The following KANK1 variants were observed in gnomAD, a reference collection of about 807,000 sequenced individuals.
The protein encoded by KANK1 is KN motif and ankyrin repeat domain-containing protein 1.
A neutral mutation model predicts 106.2 loss-of-function variants in KANK1; 109 were observed. The observed-to-expected ratio is 1.03, with a 90% CI of 0.88 to 1.20. The LOEUF is 1.20. Ranked by LOEUF, KANK1 falls within the 50% of genes most tolerant of loss-of-function variation. The pLI is 0.00. For missense variants in KANK1, 2,399 were observed against 1,710.7 expected, an observed-to-expected ratio of 1.40 and a Z score of -7.10; for synonymous variants, 873 against 652.2, an observed-to-expected ratio of 1.34 and a Z score of -5.16.
At chr9:608,890 C>A (rs573577199) in intron 1 of KANK1, among the ~76,000 whole-genome samples, 1 of 152,254 alleles carries the variant, frequency 6.6e-6, no homozygotes, top group Non-Finnish European at 1.5e-5. Flanking sequence ...ATAATAGATG[C>A]ATTCATACAC....
At chr9:537,909 C>G (rs1268198075) in intron 1 of KANK1, among the ~76,000 whole-genome samples, 1 of 152,166 alleles carries the variant, frequency 6.6e-6, no homozygotes, top group Admixed American at 6.5e-5. Flanking sequence ...TAACACTATT[C>G]CTGGATTTAA....
rs116473468 is a variant in KANK1 at position 698,233 on chromosome 9, C to A, written c.38-12571C>A. Among the ~76,000 whole-genome samples, 1,123 of 152,226 alleles carry A rather than the reference C, an allele frequency of 7.4e-3. 18 individuals are homozygous for A. The highest frequency in any genetic ancestry group is 0.026 in the African/African-American group (1,074 of 41,516). On this transcript the variant is annotated intron_variant, in intron 2 of 11. Coordinates refer to ENST00000382297, the MANE Select transcript of KANK1 (RefSeq NM_015158.5). Reference sequence around the variant, plus strand: ...CTGTCAGGGTCGGTGTTGTCTTAGCCTCACAGGCATTTTCAGTCCTTGCTC... The same window carrying A: ...CTGTCAGGGTCGGTGTTGTCTTAGCATCACAGGCATTTTCAGTCCTTGCTC...
At chr9:563,742 A>G (rs1587846864) in intron 1 of KANK1, among the ~76,000 whole-genome samples, 1 of 152,182 alleles carries the variant, frequency 6.6e-6, no homozygotes, top group South Asian at 2.1e-4. Context: ...GAATCTCAAA[A>G]TTGCTCTATG....
intron 1 of KANK1, among the ~76,000 whole-genome samples, chr9:566,562 G>A (rs529000928): frequency 4.6e-5 from 7 of 152,314 alleles, no homozygotes; most frequent in South Asian, 2.1e-4. Context: ...TGACAGGTGC[G>A]AGATGGTATC....
intron 2 of KANK1, among the ~76,000 whole-genome samples, chr9:700,759 C>G (rs1822460669): frequency 6.6e-6 from 1 of 152,180 alleles, no homozygotes; most frequent in Non-Finnish European, 1.5e-5. Flanking sequence ...GGTGTGGTAT[C>G]TGGCGAAGAA....
chr9:668,700 A>G (rs1054197460), intron 1 of KANK1, among the ~76,000 whole-genome samples: 2 of 152,122 alleles, frequency 1.3e-5, no homozygotes, highest in Non-Finnish European at 2.9e-5. Context: ...AAAACAAGTT[A>G]TTTTAAAGAG....
At chr9:475,813 C>T (rs1334710615) in intron 3 of KANK1, among the ~76,000 whole-genome samples, 1 of 152,148 alleles carries the variant, frequency 6.6e-6, no homozygotes, top group Non-Finnish European at 1.5e-5. Flanking sequence ...GCGCTCCCAT[C>T]TGAAGAGATT....
intron 1 of KANK1, among the ~76,000 whole-genome samples, chr9:595,211 C>A (rs1825912247): frequency 6.6e-6 from 1 of 151,828 alleles, no homozygotes; most frequent in African/African-American, 2.4e-5. Context: ...CCCAGGAGTT[C>A]AAGACCAGTT....
At chr9:565,550 G>C (rs1422499264) in intron 1 of KANK1, among the ~76,000 whole-genome samples, 1 of 152,188 alleles carries the variant, frequency 6.6e-6, no homozygotes, top group Non-Finnish European at 1.5e-5. Flanking sequence ...GGTTTTTCAA[G>C]GATAGTTCGG....
chr9:617,086 T>TA (rs1832022350), intron 1 of KANK1, among the ~76,000 whole-genome samples: 1 of 152,150 alleles, frequency 6.6e-6, no homozygotes, highest in Non-Finnish European at 1.5e-5. Context: ...TATACTACCG[T>TA]AAGTGAATGT....
chr9:722,307 T>C (rs564125052), intron 3 of KANK1, among the ~76,000 whole-genome samples: 193 of 151,978 alleles, frequency 1.3e-3, no homozygotes, highest in African/African-American at 4.5e-3. Flanking sequence ...TGCAAATAAG[T>C]GTTCATTCTC....
At chr9:535,405 CT>C (rs2060251034) in intron 1 of KANK1, among the ~76,000 whole-genome samples, 1 of 152,196 alleles carries the variant, frequency 6.6e-6, no homozygotes, top group Non-Finnish European at 1.5e-5. Flanking sequence ...GCCCACACTT[CT>C]TTCTCTCCAG....
chr9:692,755 C>T (rs190957861), intron 2 of KANK1, among the ~76,000 whole-genome samples: 1 of 151,806 alleles, frequency 6.6e-6, no homozygotes, highest in African/African-American at 2.4e-5. Flanking sequence ...TGGTTCATGC[C>T]TGTAATCCCA....
At chr9:571,109 G>T (rs1188093337) in intron 1 of KANK1, among the ~76,000 whole-genome samples, 1 of 152,160 alleles carries the variant, frequency 6.6e-6, no homozygotes, top group Non-Finnish European at 1.5e-5. Context: ...ATGAGAGAGT[G>T]CCCATCTCCT....
At chr9:498,255 A>G (rs1587267423) in intron 3 of KANK1, among the ~76,000 whole-genome samples, 1 of 152,226 alleles carries the variant, frequency 6.6e-6, no homozygotes, top group Non-Finnish European at 1.5e-5. Context: ...AACTAATTGC[A>G]CCACACGAAG....
intron 1 of KANK1, among the ~76,000 whole-genome samples, chr9:657,263 C>T (rs1171164092): frequency 1.3e-5 from 2 of 152,162 alleles, no homozygotes; most frequent in Non-Finnish European, 2.9e-5. Context: ...TTTCCTTAGG[C>T]ATTCATCTGT....
At chr9:503,619 G>C (rs2058608439), upstream of KANK1, among the ~76,000 whole-genome samples, 2 of 152,228 alleles carry the variant, frequency 1.3e-5, no homozygotes, top group Non-Finnish European at 2.9e-5. Flanking sequence ...GTGCTAGAGA[G>C]CTTGGGGGTG....
intron 1 of KANK1, among the ~76,000 whole-genome samples, chr9:526,355 G>A (rs570307361): frequency 2.6e-5 from 4 of 151,710 alleles, no homozygotes; most frequent in Middle Eastern, 6.8e-3. Flanking sequence ...TTTATTATGG[G>A]AGCAGCACAC....
intron 1 of KANK1, among the ~76,000 whole-genome samples, chr9:663,354 C>T (rs1179334814): frequency 1.3e-5 from 2 of 152,200 alleles, no homozygotes; most frequent in Admixed American, 6.5e-5. Context: ...CCCACTAACA[C>T]AGTCATATTT....
Sources: gnomAD v4.1 joint callset for allele counts (sites outside exome capture counted in the v4.1 genomes callset) on GRCh38, gnomAD v4.1.1 for gene constraint, MANE v1.5 for transcripts, NCBI Gene and HGNC (gene_info 2026-07-23, HGNC 2026-07-21) for gene names.